TTC29: variants seen among roughly 807,000 people sequenced by gnomAD.
The protein encoded by TTC29 is tetratricopeptide repeat domain 29.
Under a neutral mutation model 58.1 loss-of-function variants are expected in TTC29, and 49 were observed. The observed-to-expected ratio is 0.84, with a 90% CI of 0.67 to 1.07. The LOEUF (loss-of-function observed/expected upper bound fraction) is 1.07. Ranked by LOEUF, TTC29 falls within the 50% of genes least tolerant of loss-of-function variation. TTC29 has a pLI of 0.00. For synonymous variants in TTC29, 209 were observed against 196.8 expected, an observed-to-expected ratio of 1.06 and a Z score of -0.52; for missense variants, 582 against 555.6, an observed-to-expected ratio of 1.05 and a Z score of -0.48.
At chr4:146,840,210 G>C (rs1241960358) in intron 8 of TTC29, among the ~76,000 whole-genome samples, 1 of 145,222 alleles carries the variant, frequency 6.9e-6, no homozygotes, top group Non-Finnish European at 1.5e-5. Context: ...GTGTTTTCTA[G>C]AAGCTCTGCA....
intron 11 of TTC29, among the ~76,000 whole-genome samples, chr4:146,734,302 C>T (rs1744555673): frequency 6.6e-6 from 1 of 152,060 alleles, no homozygotes; most frequent in African/African-American, 2.4e-5. Flanking sequence ...TAGTGGAACA[C>T]GTGGAGTTTC....
At chr4:146,921,437 T>C (rs1208198073) in intron 4 of TTC29, among the ~76,000 whole-genome samples, 2 of 151,266 alleles carry the variant, frequency 1.3e-5, no homozygotes, top group Non-Finnish European at 1.5e-5. Context: ...AAGTATAAAA[T>C]AGATTAGTAG....
chr4:146,843,896 G>A (rs893305832), intron 8 of TTC29, among the ~76,000 whole-genome samples: 2 of 152,130 alleles, frequency 1.3e-5, no homozygotes, highest in Admixed American at 6.6e-5. Context: ...GTCCTGCAGA[G>A]TTTTAGGGAA....
At chr4:146,868,697 T>G (rs533467032) in intron 7 of TTC29, among the ~76,000 whole-genome samples, 1 of 152,310 alleles carries the variant, frequency 6.6e-6, no homozygotes, top group African/African-American at 2.4e-5. Flanking sequence ...TGGCTTCCAA[T>G]GTGACTAACT....
At position 146,892,847 on chromosome 4, in the gene TTC29, A is replaced by T. The variant is rs556652948; in HGVS notation, c.586+10697T>A. ...CAACTTCAGCAAAGTCTCAGGATAC[A>T]AAATCAGTGTGCAAAAATCACAAGC... On this transcript the variant is annotated intron_variant, in intron 6 of 12. Transcript: ENST00000325106. 2.8e-4 allele frequency among the ~76,000 whole-genome samples: 42 copies of T among 152,332 alleles called. 1 individual carries two copies. The East Asian group carries it at 7.9e-3, about 29-fold the overall frequency.
intron 8 of TTC29, among the ~76,000 whole-genome samples, chr4:146,844,421 C>T (rs1214756724): frequency 6.6e-6 from 1 of 151,832 alleles, no homozygotes; most frequent in Non-Finnish European, 1.5e-5. Flanking sequence ...AACTCTCAAT[C>T]GTTACTGTAC....
intron 7 of TTC29, among the ~76,000 whole-genome samples, chr4:146,868,816 TC>T (rs1730734399): frequency 6.6e-6 from 1 of 152,068 alleles, no homozygotes; most frequent in East Asian, 1.9e-4. Context: ...AGAAATGTGA[TC>T]CCCAATGTTG....
intron 8 of TTC29, among the ~76,000 whole-genome samples, chr4:146,855,616 AT>A (rs1561192049): frequency 6.6e-6 from 1 of 152,202 alleles, no homozygotes; most frequent in Non-Finnish European, 1.5e-5. Context: ...TATGGTATTA[AT>A]GCTATTTTTA....
In TTC29 at chr4:146,874,729, T is replaced by C. The variant is rs761421350; in HGVS notation, c.786A>G (p.Glu262=). 2.4e-5 allele frequency: 39 copies of C among 1,602,278 alleles called. No individual in the cohort carries two copies. Among genetic ancestry groups the C allele is most frequent in the Admixed American group, 3.4e-5 (2 of 58,568 alleles). ...QAIKILIKAS[E]IAKEGSDKKM... The stretch of plus-strand genomic sequence containing the variant: ...TTTTCCACCCACCTTCTTTGGCTAT[T>C]TCAGAAGCTTTTATTAGAATTTTGA... Residue 262 remains glutamate, a synonymous_variant, in exon 7 of 13, where the codon GAA becomes GAG. Transcript: ENST00000325106.
At chr4:146,890,260 C>A (rs900361048) in intron 6 of TTC29, among the ~76,000 whole-genome samples, 7 of 152,112 alleles carry the variant, frequency 4.6e-5, no homozygotes, top group Non-Finnish European at 1.0e-4. Flanking sequence ...AGCTCAACAT[C>A]TTTTAAGGGT....
intron 11 of TTC29, among the ~76,000 whole-genome samples, chr4:146,721,126 G>A (rs1201856188): frequency 6.6e-6 from 1 of 152,004 alleles, no homozygotes; most frequent in African/African-American, 2.4e-5. Flanking sequence ...ATTTAGTAGG[G>A]GACACAGAGT....
intron 4 of TTC29, among the ~76,000 whole-genome samples, chr4:146,921,450 G>T (rs989728902): frequency 6.6e-6 from 1 of 150,952 alleles, no homozygotes; most frequent in Non-Finnish European, 1.5e-5. Context: ...ATTAGTAGGC[G>T]GAGAACAAGA....
At chr4:146,863,084 T>C (rs1730347525) in intron 8 of TTC29, among the ~76,000 whole-genome samples, 1 of 143,070 alleles carries the variant, frequency 7.0e-6, no homozygotes. Flanking sequence ...ATCGTGCCAC[T>C]ACACTCCAGC....
rs749403912 is a variant in TTC29, at chr4:146,909,101, G to A, written c.325C>T (p.Pro109Ser). Reference protein sequence around the residue: ...RVRSLFWLQKPLEEQPDKLDY... With the variant: ...RVRSLFWLQKSLEEQPDKLDY... ...AGTTTATCAGGCTGCTCCTCCAGGG[G>A]CTTCTGCAGCCAGAAGAGGGACCTG... The change falls in exon 5 of 13, where the codon CCC (proline) becomes TCC (serine). Residue 109 changes from proline (P) to serine (S), a missense_variant. Physicochemically the swap from Pro to Ser is moderately conservative, Grantham distance 74. Transcript: ENST00000325106. 6.2e-7 allele frequency: 1 copy of A among 1,613,834 alleles called. No individual in the cohort carries two copies. The highest frequency in any genetic ancestry group is 8.5e-7 in the Non-Finnish European group (1 of 1,179,848).
chr4:146,884,587 G>A (rs1731852891), intron 6 of TTC29, among the ~76,000 whole-genome samples: 1 of 152,082 alleles, frequency 6.6e-6, no homozygotes, highest in African/African-American at 2.4e-5. Context: ...CCTCCAGAGG[G>A]ACTTTTAAGA....
intron 11 of TTC29, among the ~76,000 whole-genome samples, chr4:146,777,735 A>G (rs999871381): frequency 5.9e-5 from 9 of 152,192 alleles, no homozygotes; most frequent in Non-Finnish European, 1.2e-4. Context: ...AAGATTTGTA[A>G]CAGAATGCTT....
At chr4:146,864,437 T>G (rs533874861) in intron 8 of TTC29, among the ~76,000 whole-genome samples, 1 of 152,338 alleles carries the variant, frequency 6.6e-6, no homozygotes, top group African/African-American at 2.4e-5. Flanking sequence ...GAAGGTTTAT[T>G]ATAAACCAGG....
At chr4:146,850,080 A>G (rs183675941) in intron 8 of TTC29, among the ~76,000 whole-genome samples, 1 of 152,230 alleles carries the variant, frequency 6.6e-6, no homozygotes, top group Admixed American at 6.5e-5. Flanking sequence ...GTTTTCCCCA[A>G]TGGGAGGGAA....
intron 12 of TTC29, 46 bp downstream of exon 12, chr4:146,707,439 C>T (rs370188419): frequency 1.2e-4 from 168 of 1,378,622 alleles, no homozygotes; most frequent in Admixed American, 7.1e-4. Flanking sequence ...TAGTATATTG[C>T]GCAAAGTGGG....
Sources: allele counts gnomAD v4.1 joint callset (sites outside exome capture counted in the v4.1 genomes callset), GRCh38; gene constraint gnomAD v4.1.1; transcripts MANE v1.5; gene names NCBI Gene and HGNC (gene_info 2026-07-23, HGNC 2026-07-21).